ZMIZ2: variants seen among roughly 807,000 people sequenced by gnomAD.
ZMIZ2 encodes the protein zinc finger MIZ domain-containing protein 2.
ZMIZ2 carries 26 observed loss-of-function variants against 93.9 expected under a neutral mutation model. The ratio of observed to expected loss-of-function variants is 0.28; its 90% CI spans 0.20 to 0.38. The LOEUF (loss-of-function observed/expected upper bound fraction) is 0.38, where lower values mean the gene tolerates loss of function less well. Among genes scored for constraint, ZMIZ2 ranks in the 10% least tolerant of loss-of-function variants. ZMIZ2 has a pLI of 1.00. For synonymous variants in ZMIZ2, 485 were observed against 516.4 expected, an observed-to-expected ratio of 0.94 and a Z score of 0.82; for missense variants, 1,023 against 1,235.0, an observed-to-expected ratio of 0.83 and a Z score of 2.57.
Position 44,768,750 on chromosome 7 carries a change from G to A in ZMIZ2, c.*1127G>A, listed in dbSNP as rs1254708730. ...GACTATTTTCTCCTCGTAAGCCAGC[G>A]ACCTGCCTAAAGCTTGGGCTGTGCC... On this transcript the variant is annotated 3_prime_UTR_variant, in exon 19 of 19. Transcript: ENST00000309315. The A allele has an allele frequency of 3.3e-5, 5 of 152,320 alleles. No individual in the cohort carries two copies. Among genetic ancestry groups the A allele is most frequent in the Admixed American group, 2.6e-4 (4 of 15,292 alleles). 9.4% of individuals were successfully genotyped at this position (152,320 alleles called of 1,614,324 possible).
rs1189426710 is a variant in ZMIZ2 at position 44,760,592 on chromosome 7, T to C, written c.1239T>C (p.Ser413=). Residue 413 remains serine (S), a splice_region_variant and synonymous_variant, in exon 9 of 19, where the codon TCT becomes TCC. Coordinates refer to ENST00000309315, the MANE Select transcript of ZMIZ2 (RefSeq NM_031449.4). ...TCAACTCCTTGCACTCATCGCCCTC[T>C]GGTAAGTCTGTCCACTCTTGGGACA... ...PNLNSLHSSP[S]GSGPCDELRL... 3 of 1,613,322 alleles carry C rather than the reference T, an allele frequency of 1.9e-6. No homozygotes were observed. The highest frequency in any genetic ancestry group is 1.3e-5 in the African/African-American group (1 of 74,692).
rs1444804231 is a variant in ZMIZ2, at chr7:44,748,936, G to A, written c.-118G>A. Reference sequence around the variant, plus strand: ...GGCGCGGAGGGCGGGCTGAGCGCATGGAGCGGCGCGGGCCGGGGGCCGCCA... The same window carrying A: ...GGCGCGGAGGGCGGGCTGAGCGCATAGAGCGGCGCGGGCCGGGGGCCGCCA... On this transcript the variant is annotated 5_prime_UTR_variant, in exon 1 of 19. It removes an upstream start codon present in the reference 5' UTR. Transcript: ENST00000309315. 1 of 147,992 alleles carries A rather than the reference G, an allele frequency of 6.8e-6. No homozygotes were observed. The highest frequency in any genetic ancestry group is 1.5e-5 in the Non-Finnish European group (1 of 66,146). 9.2% of individuals were successfully genotyped at this position (147,992 alleles called of 1,614,324 possible).
At chr7:44,767,471 C>T (rs576130491) in intron 18 of ZMIZ2, 45 bp from the exon 19 acceptor site, 2 of 1,502,424 alleles carry the variant, frequency 1.3e-6, no homozygotes, top group South Asian at 1.1e-5. Context: ...TCAGGTGTGG[C>T]CAGTCAGTGA....
chr7:44,753,239 C>CT (rs1328790428), intron 1 of ZMIZ2, among the ~76,000 whole-genome samples: 1 of 141,728 alleles, frequency 7.1e-6, no homozygotes, highest in Admixed American at 7.1e-5. Context: ...TTTGAGAATT[C>CT]TTTTTTTGTT....
chr7:44,762,786 C>G, intron 11 of ZMIZ2, 95 bp from the exon 12 acceptor site: 1 of 771,490 alleles, frequency 1.3e-6, no homozygotes. Flanking sequence ...CCCCACCTGG[C>G]AGCCCCTGAC....
chr7:44,765,684 C>A lies in ZMIZ2; in HGVS notation c.2242+105C>A. 1 of 1,466,610 alleles carries A rather than the reference C, an allele frequency of 6.8e-7. No homozygotes were observed. Among genetic ancestry groups the A allele is most frequent in the Non-Finnish European group, 9.2e-7 (1 of 1,091,456 alleles). 90.8% of individuals were successfully genotyped at this position (1,466,610 alleles called of 1,614,324 possible). On this transcript the variant is annotated intron_variant, in intron 16 of 18. Coordinates refer to ENST00000309315, the MANE Select transcript of ZMIZ2 (RefSeq NM_031449.4). This position sits in a 1 kb window ranked among gnomAD's most constrained non-coding sequence, Gnocchi z 4.1. ...CAAGAATGTGGCTATGCAGGTCACA[C>A]ACCTAGGTTATCAGTGTTGCCACAC...
intron 14 of ZMIZ2, 62 bp from the exon 15 acceptor site, chr7:44,764,879 G>A: frequency 6.4e-7 from 1 of 1,565,710 alleles, no homozygotes; most frequent in Non-Finnish European, 8.8e-7. Context: ...GAAATGACAG[G>A]GCCTGTGCCC....
Position 44,752,868 on chromosome 7 carries a change from G to T in ZMIZ2, c.-62-3320G>T, listed in dbSNP as rs189239013. ...AAGTTTTCATTTCTCTGAGATAAAT[G>T]CGTACAAGTGCAGTTGCTGGGTCAT... is the stretch of plus-strand genomic sequence containing the variant. On this transcript the variant is annotated intron_variant, in intron 1 of 18. Coordinates refer to ENST00000309315, the MANE Select transcript of ZMIZ2 (RefSeq NM_031449.4). Among the ~76,000 whole-genome samples, 38 of 152,364 alleles carry T rather than the reference G, an allele frequency of 2.5e-4. No individual in the cohort carries two copies. In the East Asian group the frequency reaches 6.9e-3, roughly 28 times the overall value.
At position 44,766,727 on chromosome 7, in the gene ZMIZ2, C is replaced by T. The variant is rs1158707821; in HGVS notation, c.2655+64C>T. 2 of 1,589,004 alleles carry T rather than the reference C, an allele frequency of 1.3e-6. No individual in the cohort carries two copies. The highest frequency in any genetic ancestry group is 1.7e-6 in the Non-Finnish European group (2 of 1,164,820). On this transcript the variant is annotated intron_variant, in intron 18 of 18. Coordinates refer to ENST00000309315, the MANE Select transcript of ZMIZ2 (RefSeq NM_031449.4). The surrounding 1 kb of genome is among the most constrained non-coding windows in gnomAD (Gnocchi z 4.4). ...CAGGGCTAGAGGTGGTGTGTCTGTT[C>T]CAGGTGCGTTCTGGAAGGGAAGACA... is the stretch of plus-strand genomic sequence containing the variant.
chr7:44,759,962 C>T lies in ZMIZ2; in HGVS notation c.994-189C>T, dbSNP rs1026780169. 7.6e-6 allele frequency: 5 copies of T among 657,346 alleles called. No homozygotes were observed. The African/African-American group carries it at 9.3e-5, about 12-fold the overall frequency. 40.7% of individuals were successfully genotyped at this position (657,346 alleles called of 1,614,324 possible). ...GCTTAGCGTGCTTTTGTCTTTTCAG[C>T]CCCTCCAACCTGTTTGATCATTTTC... On this transcript the variant is annotated intron_variant, in intron 7 of 18. Coordinates refer to ENST00000309315, the MANE Select transcript of ZMIZ2 (RefSeq NM_031449.4).
At chr7:44,750,824 C>T (rs1790077182) in intron 1 of ZMIZ2, 2 of 152,150 alleles carry the variant, frequency 1.3e-5, no homozygotes, top group Admixed American at 6.6e-5. Flanking sequence ...AGGAAAGCGC[C>T]AGGCACTAAG....
In ZMIZ2 at chr7:44,761,452, G is replaced by T; in HGVS notation, c.1244G>T (p.Ser415Ile). ...LNSLHSSPSG[S>I]GPCDELRLTF... ...AGCCAGTGGCCTCTGCTCCCAGGAAGCGGGCCTTGTGACGAGTTGCGGCTG... is the reference window on the plus strand; with the variant it reads ...AGCCAGTGGCCTCTGCTCCCAGGAATCGGGCCTTGTGACGAGTTGCGGCTG... The change falls in exon 10 of 19, where the codon AGC becomes ATC. Residue 415 changes from serine (S) to isoleucine (I), a missense_variant. Coordinates refer to ENST00000309315, the MANE Select transcript of ZMIZ2 (RefSeq NM_031449.4). The surrounding 1 kb of genome is among the most constrained non-coding windows in gnomAD (Gnocchi z 5.8). 6.2e-7 allele frequency: 1 copy of T among 1,613,052 alleles called. No individual in the cohort carries two copies.
In ZMIZ2 at chr7:44,765,820, T is replaced by C; in HGVS notation, c.2242+241T>C. Reference sequence around the variant, plus strand: ...AGACAGTGGGGCCTCCACCCTTCCTTCCCCGTTTGGATTAAGGGGCTCCTG... The same window carrying C: ...AGACAGTGGGGCCTCCACCCTTCCTCCCCCGTTTGGATTAAGGGGCTCCTG... On this transcript the variant is annotated intron_variant, in intron 16 of 18. Coordinates refer to ENST00000309315, the MANE Select transcript of ZMIZ2 (RefSeq NM_031449.4). The surrounding 1 kb of genome is among the most constrained non-coding windows in gnomAD (Gnocchi z 4.1). The C allele has an allele frequency of 9.8e-7, 1 of 1,022,562 alleles. No homozygotes were observed. Among genetic ancestry groups the C allele is most frequent in the Non-Finnish European group, 1.4e-6 (1 of 733,204 alleles). The allele number at this position is 1,022,562 out of a possible 1,614,324, so 63.3% of individuals were successfully genotyped here. A position where few individuals can be genotyped will look rare whatever the true frequency, so the allele number is the denominator to read the frequency against.
chr7:44,756,843 C>T, intron 3 of ZMIZ2, 104 bp from the exon 4 acceptor site: 1 of 1,422,870 alleles, frequency 7.0e-7, no homozygotes, highest in Non-Finnish European at 9.8e-7. Context: ...CCCCACCTCT[C>T]CCCCAACCCA....
In ZMIZ2 at chr7:44,767,548, A is replaced by G; in HGVS notation, c.2688A>G (p.Leu896=). The change falls in exon 19 of 19, where the codon CTA becomes CTG. Residue 896 remains leucine, a synonymous_variant. Coordinates refer to ENST00000309315, the MANE Select transcript of ZMIZ2 (RefSeq NM_031449.4). The part of the protein sequence containing the change: ...LLPELTNPDE[L]LSYLGPPDLP... ...CGGAACTGACCAACCCTGATGAGCT[A>G]CTGTCCTACTTGGGCCCACCCGACC... 14 of 1,614,130 alleles carry G rather than the reference A, an allele frequency of 8.7e-6. No homozygotes were observed. Among genetic ancestry groups the G allele is most frequent in the Non-Finnish European group, 1.1e-5 (13 of 1,180,016 alleles).
rs775391520 is a variant in ZMIZ2 at position 44,757,581 on chromosome 7, C to T, written c.552+20C>T. ...GGAGCGGTGAGCCCCCTCAGCAGCT[C>T]CTCCCACATGGCAGCCAGCCTGAGG... On this transcript the variant is annotated intron_variant, in intron 5 of 18. Transcript: ENST00000309315. 5 of 1,570,870 alleles carry T rather than the reference C, an allele frequency of 3.2e-6. No individual in the cohort carries two copies. Among genetic ancestry groups the T allele is most frequent in the Admixed American group, 1.8e-5 (1 of 54,284 alleles).
At chr7:44,757,235 G>A (rs1240182452) in intron 4 of ZMIZ2, 86 bp downstream of exon 4, 25 of 1,507,652 alleles carry the variant, frequency 1.7e-5, no homozygotes, top group East Asian at 7.2e-5. Context: ...TCAGCTGGAC[G>A]TTCCCTCTCT....
At position 44,761,784 on chromosome 7, in the gene ZMIZ2, A is replaced by G. The variant is rs758927981; in HGVS notation, c.1475A>G (p.Asn492Ser). The change falls in exon 11 of 19, where the codon AAT becomes AGT. Residue 492 changes from asparagine to serine, a missense_variant. Asn to Ser is a conservative substitution (Grantham distance 46, BLOSUM62 1). Coordinates refer to ENST00000309315, the MANE Select transcript of ZMIZ2 (RefSeq NM_031449.4). The surrounding 1 kb of genome is among the most constrained non-coding windows in gnomAD (Gnocchi z 5.8). ...CCAGCCTCGGTGCAGGTCAGCGTCA[A>G]TGCCACGCCGCTCACCATCGAGCGT... The part of the protein sequence containing the change: ...NWPASVQVSV[N>S]ATPLTIERGD... 11 of 1,613,876 alleles carry G rather than the reference A, an allele frequency of 6.8e-6. No homozygotes were observed. The highest frequency in any genetic ancestry group is 3.3e-5 in the South Asian group (3 of 91,086).
intron 1 of ZMIZ2, among the ~76,000 whole-genome samples, chr7:44,751,278 TC>T (rs1790121177): frequency 6.6e-6 from 1 of 152,260 alleles, no homozygotes; most frequent in African/African-American, 2.4e-5. Context: ...AAACTACAGT[TC>T]CTGGACCAGC....
Sources: gnomAD v4.1 joint callset for allele counts (sites outside exome capture counted in the v4.1 genomes callset) on GRCh38, gnomAD v4.1.1 for gene constraint, Gnocchi (gnomAD v3.1) non-coding constraint, MANE v1.5 for transcripts, NCBI Gene and HGNC (gene_info 2026-07-23, HGNC 2026-07-21) for gene names.